Variants in PDCD4 observed in about 807,000 individuals in gnomAD.
PDCD4 encodes the protein programmed cell death protein 4.
Under a neutral mutation model 54.0 loss-of-function variants are expected in PDCD4, and 56 were observed. The observed-to-expected ratio is 1.04, with a 90% CI of 0.84 to 1.30. PDCD4 has a LOEUF of 1.30. Among genes scored for constraint, PDCD4 ranks in the 50% most tolerant of loss-of-function variants. PDCD4 has a pLI of 0.00. For synonymous variants in PDCD4, 186 were observed against 194.8 expected (o/e 0.95, Z 0.37); for missense variants, 584 against 559.8 (o/e 1.04, Z -0.44).
intron 6 of PDCD4, among the ~76,000 whole-genome samples, chr10:110,888,863 CT>C (rs960557273): frequency 2.6e-5 from 4 of 152,172 alleles, no homozygotes; most frequent in African/African-American, 9.6e-5. Flanking sequence ...TTCTATACAA[CT>C]TTTTTTCTCC....
At chr10:110,887,559 A>G (rs1845686647) in intron 5 of PDCD4, 106 bp from the exon 6 acceptor site, 1 of 666,780 alleles carries the variant, frequency 1.5e-6, no homozygotes, top group South Asian at 1.9e-5. Flanking sequence ...AAAGAGTGAG[A>G]CGTAGAGATA....
At position 110,887,799 on chromosome 10, in the gene PDCD4, A is replaced by G; in HGVS notation, c.690A>G (p.Val230=). The change falls in exon 6 of 12, where the codon GTA becomes GTG. Residue 230 remains valine (V), a synonymous_variant. Coordinates refer to ENST00000280154, the MANE Select transcript of PDCD4 (RefSeq NM_014456.5). ...SKLLSDLCGT[V]MSTTDVEKSF... is the part of the protein sequence containing the mutation. The stretch of plus-strand genomic sequence containing the variant: ...TTCTTTCTGACCTTTGTGGGACAGT[A>G]ATGAGCACAACTGATGTGGAAAAAT... The G allele has an allele frequency of 6.2e-7, 1 of 1,613,712 alleles. No homozygotes were observed. The highest frequency in any genetic ancestry group is 8.5e-7 in the Non-Finnish European group (1 of 1,179,650).
At chr10:110,875,595 C>G (rs1017636464) in intron 1 of PDCD4, among the ~76,000 whole-genome samples, 1 of 152,042 alleles carries the variant, frequency 6.6e-6, no homozygotes, top group African/African-American at 2.4e-5. Context: ...TATTTATATT[C>G]CTATGTATGT....
intron 7 of PDCD4, 130 bp from the exon 8 acceptor site, chr10:110,890,426 T>C (rs1845736702): frequency 2.2e-6 from 1 of 459,344 alleles, no homozygotes. Context: ...AAAAAGTGTT[T>C]TGAATTTTAT....
In PDCD4 at chr10:110,896,924, A is replaced by G. The variant is rs1845843497; in HGVS notation, c.1349+837A>G. On this transcript the variant is annotated intron_variant, in intron 11 of 11. Coordinates refer to ENST00000280154, the MANE Select transcript of PDCD4 (RefSeq NM_014456.5). ...GAGAGGGAAAAGAAAGTGATGAAAG[A>G]TAGTTTAATAGCTTTACTAGAAATG... is the stretch of plus-strand genomic sequence containing the variant. Among the ~76,000 whole-genome samples the G allele has an allele frequency of 2.0e-5, 3 of 152,298 alleles. No individual in the cohort carries two copies. In the South Asian group the frequency reaches 6.2e-4, roughly 32 times the overall value.
At chr10:110,878,535 A>G (rs1262735075) in intron 2 of PDCD4, among the ~76,000 whole-genome samples, 2 of 152,180 alleles carry the variant, frequency 1.3e-5, no homozygotes, top group Non-Finnish European at 2.9e-5. Flanking sequence ...CGAAAATGTC[A>G]TCTAATTTAT....
chr10:110,874,804 TAA>T (rs1564678920), intron 1 of PDCD4, among the ~76,000 whole-genome samples: 1 of 152,164 alleles, frequency 6.6e-6, no homozygotes, highest in Admixed American at 6.5e-5. Context: ...ATGAGGAATT[TAA>T]AAGTCAGTTT....
intron 2 of PDCD4, chr10:110,876,749 C>A: frequency 1.7e-6 from 2 of 1,152,906 alleles, no homozygotes; most frequent in Non-Finnish European, 2.4e-6. Flanking sequence ...AATAGATGAC[C>A]AAATGTGAGT....
At chr10:110,873,518 G>T (rs563217759) in intron 1 of PDCD4, among the ~76,000 whole-genome samples, 2 of 152,168 alleles carry the variant, frequency 1.3e-5, no homozygotes, top group Non-Finnish European at 2.9e-5. Flanking sequence ...TGTATATTTC[G>T]TGTAACACAC....
intron 11 of PDCD4, among the ~76,000 whole-genome samples, chr10:110,896,966 T>C (rs908054957): frequency 9.9e-5 from 15 of 152,186 alleles, no homozygotes; most frequent in African/African-American, 3.6e-4. Context: ...AATACAGACG[T>C]TAGCTTGGTG....
chr10:110,889,350 A>G (rs1381834111), intron 6 of PDCD4, among the ~76,000 whole-genome samples, 183 bp from the exon 7 acceptor site: 3 of 152,018 alleles, frequency 2.0e-5, no homozygotes, highest in South Asian at 2.1e-4. Flanking sequence ...GAAGGTTAAG[A>G]TGTGGGAGTG....
At position 110,882,991 on chromosome 10, in the gene PDCD4, A is replaced by G. The variant is rs145532375; in HGVS notation, c.347-12A>G. On this transcript the variant is annotated splice_polypyrimidine_tract_variant and intron_variant, in intron 3 of 11. Coordinates refer to ENST00000280154, the MANE Select transcript of PDCD4 (RefSeq NM_014456.5). ...TTTGTGTTTTTTCTTTCTCAATGCT[A>G]AACTTTTTCAGGTGGTGCAGGAGGC... is the stretch of plus-strand genomic sequence containing the variant. 6.4e-7 allele frequency: 1 copy of G among 1,553,420 alleles called. No individual in the cohort carries two copies. The highest frequency in any genetic ancestry group is 8.8e-7 in the Non-Finnish European group (1 of 1,131,966).
At position 110,883,924 on chromosome 10, in the gene PDCD4, A is replaced by G. The variant is rs550217971; in HGVS notation, c.441+827A>G. Among the ~76,000 whole-genome samples, 9 of 152,342 alleles carry G rather than the reference A, an allele frequency of 5.9e-5. No homozygotes were observed. In the East Asian group the frequency reaches 1.5e-3, roughly 26 times the overall value. On this transcript the variant is annotated intron_variant, in intron 4 of 11. Transcript: ENST00000280154. ...GAAACTAGTAGGATTCAAGTACTGT[A>G]GAATCTTTGCTAAAAATGTATTAAT...
chr10:110,878,640 C>G (rs1400094391), intron 2 of PDCD4, among the ~76,000 whole-genome samples: 1 of 152,168 alleles, frequency 6.6e-6, no homozygotes, highest in African/African-American at 2.4e-5. Flanking sequence ...TGTCAATACT[C>G]TGCTGTATTC....
intron 1 of PDCD4, among the ~76,000 whole-genome samples, chr10:110,873,185 T>A (rs987146332): frequency 2.0e-5 from 3 of 152,226 alleles, no homozygotes; most frequent in Non-Finnish European, 4.4e-5. Context: ...TGAATTATAA[T>A]TGACTGGCTT....
Position 110,887,743 on chromosome 10 carries a change from A to G in PDCD4, c.634A>G (p.Lys212Glu). The change falls in exon 6 of 12, where the codon AAG becomes GAG. Residue 212 changes from lysine to glutamate, a missense_variant. Lys to Glu is a moderately conservative substitution (Grantham distance 56). Coordinates refer to ENST00000280154, the MANE Select transcript of PDCD4 (RefSeq NM_014456.5). ...GGCAGTATCCTTAGCATTGGAGGGG[A>G]AGGCTAGTCATAGAGAGATGACATC... ...VLAVSLALEG[K>E]ASHREMTSKL... 1 of 1,613,368 alleles carries G rather than the reference A, an allele frequency of 6.2e-7. No individual in the cohort carries two copies.
chr10:110,883,659 C>T (rs6585020), intron 4 of PDCD4, among the ~76,000 whole-genome samples: 140,086 of 152,176 alleles, frequency 0.92, 64,704 homozygotes, highest in East Asian at 1. Context: ...ATTTACTCTC[C>T]GTCTTCTATT....
chr10:110,887,920 C>A (rs1423791337), intron 6 of PDCD4, 34 bp downstream of exon 6: 2 of 1,355,882 alleles, frequency 1.5e-6, no homozygotes, highest in African/African-American at 1.4e-5. Flanking sequence ...TCATTCCCTC[C>A]CACTACTATA....
At position 110,885,365 on chromosome 10, in the gene PDCD4, C is replaced by T. The variant is rs200393046; in HGVS notation, c.554C>T (p.Ala185Val). Residue 185 changes from alanine (A) to valine (V), a missense_variant and splice_region_variant, in exon 5 of 12, where the codon GCG (alanine) becomes GTG (valine). Physicochemically the swap from Ala to Val is moderately conservative, Grantham distance 64. Coordinates refer to ENST00000280154, the MANE Select transcript of PDCD4 (RefSeq NM_014456.5). ...YFEHGDTNEVAEMLRDLNLGE... is the reference protein window; with the variant it reads ...YFEHGDTNEVVEMLRDLNLGE... ...GAGCATGGAGATACTAATGAAGTTG[C>T]GGTAGGTTTAAAGTTGCAAGTATAA... 41 of 1,452,770 alleles carry T rather than the reference C, an allele frequency of 2.8e-5. No homozygotes were observed. Among genetic ancestry groups the T allele is most frequent in the Admixed American group, 5.3e-5 (3 of 56,916 alleles). 90.0% of individuals were successfully genotyped at this position (1,452,770 alleles called of 1,614,324 possible).
Sources: allele counts gnomAD v4.1 joint callset (sites outside exome capture counted in the v4.1 genomes callset), GRCh38; gene constraint gnomAD v4.1.1; transcripts MANE v1.5; gene names NCBI Gene and HGNC (gene_info 2026-07-23, HGNC 2026-07-21).